The following GPR139 variants were observed in gnomAD, a reference collection of about 807,000 sequenced individuals.
GPR139 encodes G protein-coupled receptor 139, also known as probable G protein-coupled receptor 139.
Under a neutral mutation model 25.8 loss-of-function variants are expected in GPR139, and 12 were observed. That is an observed-to-expected ratio of 0.47 (90% CI 0.30 to 0.75). GPR139 has a LOEUF of 0.75. GPR139 is among the 30% of genes least tolerant of loss of function. The probability of loss-of-function intolerance (pLI) is 0.07; values close to 1 mark genes in which losing one functional copy is unlikely to be tolerated. For missense variants in GPR139, 380 were observed against 450.2 expected (o/e 0.84, Z 1.41); for synonymous variants, 184 against 179.9 (o/e 1.02, Z -0.18).
chr16:20,072,891 C>G (rs1382887075), intron 1 of GPR139, among the ~76,000 whole-genome samples: 1 of 152,180 alleles, frequency 6.6e-6, no homozygotes, highest in Non-Finnish European at 1.5e-5. Flanking sequence ...AGGGCATGGT[C>G]CCAGAGCCAA....
chr16:20,054,448 A>G (rs745837870), intron 1 of GPR139, among the ~76,000 whole-genome samples: 66 of 152,284 alleles, frequency 4.3e-4, no homozygotes, highest in Non-Finnish European at 8.2e-4. Context: ...TTGTGTGCTT[A>G]GAAAACCCAA....
chr16:20,031,528 G>A lies in GPR139; in HGVS notation c.*207C>T, dbSNP rs1435327758. On this transcript the variant is annotated 3_prime_UTR_variant, in exon 2 of 2. Transcript: ENST00000570682. ...GCTTTTGCTGTCATTACGACTCTGT[G>A]GAAATAAATGCATAAGTAAAAACAA... 5 of 582,078 alleles carry A rather than the reference G, an allele frequency of 8.6e-6. No individual in the cohort carries two copies. The East Asian group carries it at 1.1e-4, about 13-fold the overall frequency. 36.1% of individuals were successfully genotyped at this position (582,078 alleles called of 1,614,324 possible).
At chr16:20,040,961 A>G (rs2057327596) in intron 1 of GPR139, among the ~76,000 whole-genome samples, 1 of 151,586 alleles carries the variant, frequency 6.6e-6, no homozygotes, top group African/African-American at 2.4e-5. Flanking sequence ...TAAATTTCTG[A>G]AAAAAGAAGC....
chr16:20,057,952 A>T lies in GPR139; in HGVS notation c.127+15538T>A, dbSNP rs576691700. Among the ~76,000 whole-genome samples the T allele has an allele frequency of 2.6e-5, 4 of 152,280 alleles. No homozygotes were observed. In the South Asian group the frequency reaches 6.2e-4, roughly 24 times the overall value. On this transcript the variant is annotated intron_variant, in intron 1 of 1. Coordinates refer to ENST00000570682, the MANE Select transcript of GPR139 (RefSeq NM_001002911.4). ...CATGTGCATCTCTGTCTTTCCCTGC[A>T]TCATTATCCCCTGTAGTCCCTGGCA...
At chr16:20,067,673 G>C (rs146496419) in intron 1 of GPR139, among the ~76,000 whole-genome samples, 4 of 151,814 alleles carry the variant, frequency 2.6e-5, no homozygotes, top group Non-Finnish European at 5.9e-5. Context: ...GCATGGTGGC[G>C]CATGCCTGTA....
chr16:20,044,440 G>A (rs1037642599), intron 1 of GPR139, among the ~76,000 whole-genome samples: 2 of 152,176 alleles, frequency 1.3e-5, no homozygotes, highest in African/African-American at 4.8e-5. Context: ...TAAAATGAGT[G>A]AGTTCATAAT....
Position 20,029,328 on chromosome 16 carries a change from G to A in GPR139, c.*2407C>T, listed in dbSNP as rs2057278662. On this transcript the variant is annotated 3_prime_UTR_variant, in exon 2 of 2. Coordinates refer to ENST00000570682, the MANE Select transcript of GPR139 (RefSeq NM_001002911.4). ...ATTGTTACACACAATTAAAAATATG[G>A]AGCAGAGAGCATGGAGAGTCACATA... Among the ~76,000 whole-genome samples, 1 of 151,994 alleles carries A rather than the reference G, an allele frequency of 6.6e-6. No individual in the cohort carries two copies. The highest frequency in any genetic ancestry group is 2.4e-5 in the African/African-American group (1 of 41,378).
chr16:20,070,018 G>A lies in GPR139; in HGVS notation c.127+3472C>T, dbSNP rs2057454289. Among the ~76,000 whole-genome samples, 3 of 152,332 alleles carry A rather than the reference G, an allele frequency of 2.0e-5. No homozygotes were observed. In the South Asian group the frequency reaches 6.2e-4, roughly 32 times the overall value. The stretch of plus-strand genomic sequence containing the variant: ...AGGTGGGACACCGATTTTCTCCACA[G>A]AGCACAGAAAGGAGGGACAGAGGTT... On this transcript the variant is annotated intron_variant, in intron 1 of 1. Coordinates refer to ENST00000570682, the MANE Select transcript of GPR139 (RefSeq NM_001002911.4).
intron 1 of GPR139, among the ~76,000 whole-genome samples, chr16:20,055,438 C>T (rs1476184465): frequency 2.0e-5 from 3 of 152,118 alleles, no homozygotes; most frequent in Non-Finnish European, 2.9e-5. Flanking sequence ...TACATATGTC[C>T]GGAGTCTCAC....
chr16:20,067,643 A>G (rs571061141), intron 1 of GPR139, among the ~76,000 whole-genome samples: 3 of 152,170 alleles, frequency 2.0e-5, no homozygotes, highest in South Asian at 4.2e-4. Flanking sequence ...CGTCTCTACT[A>G]AAAATACAAA....
At position 20,032,384 on chromosome 16, in the gene GPR139, G is replaced by T; in HGVS notation, c.413C>A (p.Thr138Lys). The change falls in exon 2 of 2, where the codon ACG (threonine) becomes AAG (lysine). Residue 138 changes from threonine to lysine, a missense_variant. By Grantham distance (78) the Thr-to-Lys change is moderately conservative. Transcript: ENST00000570682. ...IAVCHPLKYHTVSYPARTRKV... is the reference protein window; with the variant it reads ...IAVCHPLKYHKVSYPARTRKV... ...CCGGGTGCGGGCTGGGTATGAGACC[G>T]TGTGGTACTTGAGCGGGTGGCAGAC... is the stretch of plus-strand genomic sequence containing the variant. The T allele has an allele frequency of 6.2e-7, 1 of 1,614,190 alleles. No individual in the cohort carries two copies. The highest frequency in any genetic ancestry group is 8.5e-7 in the Non-Finnish European group (1 of 1,180,028).
intron 1 of GPR139, among the ~76,000 whole-genome samples, chr16:20,059,965 G>A (rs1326006550): frequency 6.6e-6 from 1 of 152,152 alleles, no homozygotes; most frequent in Non-Finnish European, 1.5e-5. Flanking sequence ...GACACAAGGT[G>A]GAACCACGGT....
chr16:20,060,785 C>A (rs1369059824), intron 1 of GPR139, among the ~76,000 whole-genome samples: 4 of 152,146 alleles, frequency 2.6e-5, no homozygotes, highest in Admixed American at 6.5e-5. Flanking sequence ...TCCAGACACT[C>A]TGACCCTCTT....
intron 1 of GPR139, among the ~76,000 whole-genome samples, chr16:20,070,419 T>C (rs1010505651): frequency 7.4e-4 from 113 of 152,222 alleles, no homozygotes; most frequent in African/African-American, 2.6e-3. Flanking sequence ...GCCCCCATTT[T>C]GCAGATGGGG....
At chr16:20,042,214 G>A (rs1338889451) in intron 1 of GPR139, among the ~76,000 whole-genome samples, 1 of 152,158 alleles carries the variant, frequency 6.6e-6, no homozygotes, top group East Asian at 1.9e-4. Context: ...GGCACAATAG[G>A]CACAGTTCCT....
Position 20,030,425 on chromosome 16 carries a change from A to G in GPR139, c.*1310T>C, listed in dbSNP as rs1567233477. Among the ~76,000 whole-genome samples, 1 of 95,880 alleles carries G rather than the reference A, an allele frequency of 1.0e-5. No individual in the cohort carries two copies. The highest frequency in any genetic ancestry group is 2.2e-4 in the East Asian group (1 of 4,622). 62.9% of individuals were successfully genotyped at this position (95,880 alleles called of 152,430 possible). On this transcript the variant is annotated 3_prime_UTR_variant, in exon 2 of 2. Transcript: ENST00000570682. ...AGAAACACTAAATAAGACGAATATA[A>G]TCATGTGTGTGTGTGTGCTGCACAC...
chr16:20,063,305 C>T (rs1190765585), intron 1 of GPR139, among the ~76,000 whole-genome samples: 1 of 152,174 alleles, frequency 6.6e-6, no homozygotes, highest in Non-Finnish European at 1.5e-5. Context: ...TGCTGCCTGC[C>T]AAGGTCTGGG....
Position 20,055,189 on chromosome 16 carries a change from T to A in GPR139, c.127+18301A>T, listed in dbSNP as rs936704431. ...ATAATTTAGCTTCCACTTAGAAGCA[T>A]GAACATGCAGTATTTGGTTTTCTGT... is the stretch of plus-strand genomic sequence containing the variant. On this transcript the variant is annotated intron_variant, in intron 1 of 1. Transcript: ENST00000570682. Among the ~76,000 whole-genome samples, 37 of 152,246 alleles carry A rather than the reference T, an allele frequency of 2.4e-4. 2 individuals are homozygous for A. The highest frequency in any genetic ancestry group is 1.6e-3 in the Admixed American group (24 of 15,284).
intron 1 of GPR139, among the ~76,000 whole-genome samples, chr16:20,041,704 G>C (rs1043829021): frequency 3.2e-4 from 48 of 152,212 alleles, no homozygotes; most frequent in African/African-American, 1.1e-3. Context: ...CAGGGCTGCT[G>C]TCCCACCATA....
Sources: gnomAD v4.1 joint callset for allele counts (sites outside exome capture counted in the v4.1 genomes callset) on GRCh38, gnomAD v4.1.1 for gene constraint, MANE v1.5 for transcripts, NCBI Gene and HGNC (gene_info 2026-07-23, HGNC 2026-07-21) for gene names.